KIF26B: variants seen among roughly 807,000 people sequenced by gnomAD.
The protein encoded by KIF26B is kinesin family member 26B.
A neutral mutation model predicts 151.2 loss-of-function variants in KIF26B; 63 were observed. The ratio of observed to expected loss-of-function variants is 0.42; its 90% CI spans 0.34 to 0.51. The LOEUF (loss-of-function observed/expected upper bound fraction) is 0.51. Among genes scored for constraint, KIF26B ranks in the 20% least tolerant of loss-of-function variants. The probability of loss-of-function intolerance (pLI) is 0.07; values close to 1 mark genes in which losing one functional copy is unlikely to be tolerated. For missense variants in KIF26B, 2,813 were observed against 2,913.6 expected (o/e 0.97, Z 0.79); for synonymous variants, 1,357 against 1,262.1 (o/e 1.08, Z -1.59).
chr1:245,694,113 C>T (rs1172056014), intron 12 of KIF26B, among the ~76,000 whole-genome samples: 2 of 152,174 alleles, frequency 1.3e-5, no homozygotes, highest in Non-Finnish European at 2.9e-5. Context: ...AGCCCAGGCT[C>T]GGCATCGAGG....
At chr1:245,247,238 G>A (rs1670351332) in intron 2 of KIF26B, among the ~76,000 whole-genome samples, 2 of 151,434 alleles carry the variant, frequency 1.3e-5, no homozygotes, top group Admixed American at 6.6e-5. Flanking sequence ...ATCACTTGAG[G>A]TCAGGAGTTT....
intron 2 of KIF26B, among the ~76,000 whole-genome samples, chr1:245,199,072 C>G (rs1198942418): frequency 3.6e-5 from 5 of 138,568 alleles, no homozygotes. Flanking sequence ...GATGAAGAAA[C>G]TAAGGTCCAG....
At chr1:245,268,488 TAATAATAATAATAA>T (rs1176923734) in intron 2 of KIF26B, among the ~76,000 whole-genome samples, 13 of 143,292 alleles carry the variant, frequency 9.1e-5, no homozygotes, top group Admixed American at 4.9e-4. Context: ...ATAATAATAA[TAATAATAATAATAA>T]TAATAATAAT....
chr1:245,305,127 C>T (rs1340239216), intron 2 of KIF26B, among the ~76,000 whole-genome samples: 1 of 152,124 alleles, frequency 6.6e-6, no homozygotes, highest in African/African-American at 2.4e-5. Flanking sequence ...TCTGTTTTCT[C>T]TCTAAAATTG....
chr1:245,419,988 C>T (rs570977293), intron 4 of KIF26B, among the ~76,000 whole-genome samples: 39 of 152,204 alleles, frequency 2.6e-4, no homozygotes, highest in Non-Finnish European at 4.4e-4. Flanking sequence ...GATGTGTGCC[C>T]GCAGTACCCT....
intron 4 of KIF26B, among the ~76,000 whole-genome samples, chr1:245,442,535 C>G (rs1659131578): frequency 6.6e-6 from 1 of 152,186 alleles, no homozygotes; most frequent in Admixed American, 6.5e-5. Flanking sequence ...AGAGACAAGC[C>G]AAAGATGAGT....
chr1:245,591,175 C>T (rs900805315), intron 5 of KIF26B, among the ~76,000 whole-genome samples: 9 of 152,142 alleles, frequency 5.9e-5, no homozygotes, highest in East Asian at 5.8e-4. Context: ...TTAATAGTCA[C>T]GTAAGTCCTT....
chr1:245,415,060 T>C (rs1210609668), intron 3 of KIF26B, among the ~76,000 whole-genome samples: 1 of 152,172 alleles, frequency 6.6e-6, no homozygotes, highest in African/African-American at 2.4e-5. Flanking sequence ...GTGGAAACAA[T>C]AGCCAACCAG....
At chr1:245,463,881 GA>G (rs1322614862) in intron 4 of KIF26B, among the ~76,000 whole-genome samples, 5 of 152,140 alleles carry the variant, frequency 3.3e-5, no homozygotes, top group Non-Finnish European at 7.4e-5. Flanking sequence ...TTCTACTTGG[GA>G]ATACTTGTGA....
At chr1:245,447,354 C>G (rs747254165) in intron 4 of KIF26B, among the ~76,000 whole-genome samples, 1 of 152,170 alleles carries the variant, frequency 6.6e-6, no homozygotes, top group Non-Finnish European at 1.5e-5. Context: ...GAATATGCTT[C>G]GTACTGGGAG....
At chr1:245,641,244 TCTCA>T (rs1458962685) in intron 9 of KIF26B, among the ~76,000 whole-genome samples, 2 of 152,126 alleles carry the variant, frequency 1.3e-5, no homozygotes, top group African/African-American at 4.8e-5. Flanking sequence ...TTTCTTGCTC[TCTCA>T]CTGTTTTTAG....
chr1:245,302,324 T>C (rs1421850531), intron 2 of KIF26B, among the ~76,000 whole-genome samples: 1 of 152,218 alleles, frequency 6.6e-6, no homozygotes, highest in Non-Finnish European at 1.5e-5. Flanking sequence ...CTCAATAATC[T>C]CGTCTTGGGA....
At chr1:245,465,168 C>T (rs905139828) in intron 4 of KIF26B, among the ~76,000 whole-genome samples, 2 of 152,032 alleles carry the variant, frequency 1.3e-5, no homozygotes, top group Non-Finnish European at 2.9e-5. Context: ...TTAGTAGAGA[C>T]GGGGTTTCCC....
At chr1:245,471,613 C>T (rs1004479429) in intron 4 of KIF26B, among the ~76,000 whole-genome samples, 1 of 152,142 alleles carries the variant, frequency 6.6e-6, no homozygotes, top group Non-Finnish European at 1.5e-5. Context: ...AAAACGTACT[C>T]ATGAGTGACT....
chr1:245,586,585 C>T (rs902675276), intron 5 of KIF26B, among the ~76,000 whole-genome samples: 3 of 152,294 alleles, frequency 2.0e-5, no homozygotes, highest in East Asian at 3.9e-4. Context: ...CCCTCAACTA[C>T]AGTCAAACAT....
At chr1:245,435,073 A>ATCCATCCATCCATCTC (rs1558164566) in intron 4 of KIF26B, among the ~76,000 whole-genome samples, 19 of 150,124 alleles carry the variant, frequency 1.3e-4, no homozygotes, top group South Asian at 8.6e-4. Context: ...CCATCCATCC[A>ATCCATCCATCCATCTC]TCCATCCATC....
intron 4 of KIF26B, among the ~76,000 whole-genome samples, chr1:245,500,772 G>A (rs192845287): frequency 6.6e-6 from 1 of 152,238 alleles, no homozygotes; most frequent in Non-Finnish European, 1.5e-5. Context: ...GGGGCCTCCT[G>A]ATGGCGAGAT....
intron 2 of KIF26B, among the ~76,000 whole-genome samples, chr1:245,247,261 AC>A: frequency 2.0e-5 from 3 of 149,024 alleles, no homozygotes; most frequent in East Asian, 4.0e-4. Context: ...GACCAGCCTG[AC>A]CAACATAGTG....
intron 2 of KIF26B, among the ~76,000 whole-genome samples, chr1:245,301,246 C>T (rs1217860241): frequency 6.6e-6 from 1 of 152,152 alleles, no homozygotes. Context: ...GAGTGGAGGC[C>T]GAGGCTCCCT....
Sources: allele counts gnomAD v4.1 joint callset (sites outside exome capture counted in the v4.1 genomes callset), GRCh38; gene constraint gnomAD v4.1.1; transcripts MANE v1.5; gene names NCBI Gene and HGNC (gene_info 2026-07-23, HGNC 2026-07-21).